PCNX1: variants seen among roughly 807,000 people sequenced by gnomAD.
PCNX1 encodes pecanex 1.
A neutral mutation model predicts 242.2 loss-of-function variants in PCNX1; 78 were observed. That is an observed-to-expected ratio of 0.32 (90% CI 0.27 to 0.39). The LOEUF (loss-of-function observed/expected upper bound fraction) is 0.39. Ranked by LOEUF, PCNX1 falls within the 10% of genes least tolerant of loss-of-function variation. PCNX1 has a pLI of 1.00. For synonymous variants in PCNX1, 1,024 were observed against 1,032.9 expected (o/e 0.99, Z 0.17); for missense variants, 2,581 against 2,856.5 (o/e 0.90, Z 2.20).
chr14:71,081,618 T>G (rs1191354827), intron 28 of PCNX1, among the ~76,000 whole-genome samples: 1 of 152,216 alleles, frequency 6.6e-6, no homozygotes, highest in Admixed American at 6.5e-5. Flanking sequence ...TGTCCAGAAA[T>G]CTATCCATTT....
chr14:70,996,610 T>C (rs1251695632), intron 8 of PCNX1, among the ~76,000 whole-genome samples: 1 of 152,196 alleles, frequency 6.6e-6, no homozygotes, highest in Non-Finnish European at 1.5e-5. Flanking sequence ...ATACTTTATG[T>C]TACTTTGGTT....
chr14:70,987,333 T>C (rs2059029911), intron 6 of PCNX1, among the ~76,000 whole-genome samples: 1 of 152,218 alleles, frequency 6.6e-6, no homozygotes, highest in Non-Finnish European at 1.5e-5. Context: ...TGAAGTATGA[T>C]TCATCAATCT....
chr14:70,993,532 G>C, intron 7 of PCNX1, among the ~76,000 whole-genome samples: 1 of 151,962 alleles, frequency 6.6e-6, no homozygotes, highest in Non-Finnish European at 1.5e-5. Context: ...TTTAATTCTG[G>C]TGTTGATTTT....
intron 1 of PCNX1, among the ~76,000 whole-genome samples, chr14:70,929,994 G>C (rs1462179783): frequency 6.6e-6 from 1 of 152,076 alleles, no homozygotes; most frequent in Admixed American, 6.6e-5. Context: ...ATGTACATAA[G>C]ATTATTTTAG....
At chr14:70,949,333 G>A (rs550302037) in intron 2 of PCNX1, among the ~76,000 whole-genome samples, 170 of 134,108 alleles carry the variant, frequency 1.3e-3, no homozygotes, top group East Asian at 3.3e-3. Flanking sequence ...GTGTATACAC[G>A]CACGTGCATA....
At chr14:70,968,975 C>T (rs1426820021) in intron 4 of PCNX1, 46 bp from the exon 5 acceptor site, 2 of 1,083,784 alleles carry the variant, frequency 1.8e-6, no homozygotes, top group Admixed American at 3.4e-5. Flanking sequence ...ACCCTACAGC[C>T]TTACTGTTAA....
In PCNX1 at chr14:71,105,372, T is replaced by C. The variant is rs1363081952; in HGVS notation, c.6233T>C (p.Ile2078Thr). The C allele has an allele frequency of 6.8e-6, 11 of 1,614,006 alleles. No individual in the cohort carries two copies. Among genetic ancestry groups the C allele is most frequent in the East Asian group, 6.7e-5 (3 of 44,868 alleles). The change falls in exon 33 of 36, where the codon ATT becomes ACT. Residue 2078 changes from isoleucine to threonine, a missense_variant. Physicochemically the swap from Ile to Thr is moderately conservative, Grantham distance 89. Coordinates refer to ENST00000304743, the MANE Select transcript of PCNX1 (RefSeq NM_014982.3). Reference protein sequence around the residue: ...NPHSNVTQGSIGNPGQGSGTG... With the variant: ...NPHSNVTQGSTGNPGQGSGTG... ...CACAGCAACGTGACCCAGGGAAGCA[T>C]TGGAAATCCTGGGCAGGGATCAGGA...
chr14:71,037,534 C>G (rs1364631654), intron 19 of PCNX1, among the ~76,000 whole-genome samples: 7 of 151,158 alleles, frequency 4.6e-5, no homozygotes, highest in Admixed American at 4.6e-4. Context: ...TTTTCTGCAT[C>G]TATTGAGATA....
intron 1 of PCNX1, among the ~76,000 whole-genome samples, chr14:70,910,665 T>C (rs1012298738): frequency 6.6e-6 from 1 of 152,180 alleles, no homozygotes; most frequent in Admixed American, 6.5e-5. Context: ...TTTAAAATAG[T>C]ATGGTATTTA....
chr14:71,104,527 T>C (rs2062556057), intron 32 of PCNX1, among the ~76,000 whole-genome samples: 1 of 152,130 alleles, frequency 6.6e-6, no homozygotes, highest in Non-Finnish European at 1.5e-5. Context: ...ATAGGAAAAA[T>C]GATTTCAGCA....
At chr14:71,086,778 G>A (rs1259079999) in intron 28 of PCNX1, among the ~76,000 whole-genome samples, 1 of 152,098 alleles carries the variant, frequency 6.6e-6, no homozygotes, top group African/African-American at 2.4e-5. Context: ...GTCTCAATTT[G>A]TGCTCCCCTT....
At chr14:71,107,953 T>C (rs895952549) in intron 33 of PCNX1, among the ~76,000 whole-genome samples, 5 of 152,208 alleles carry the variant, frequency 3.3e-5, no homozygotes, top group African/African-American at 1.2e-4. Context: ...ATATACTTCT[T>C]TGTGATAAGA....
At chr14:71,086,768 G>A (rs971339589) in intron 28 of PCNX1, among the ~76,000 whole-genome samples, 2 of 152,172 alleles carry the variant, frequency 1.3e-5, no homozygotes, top group Admixed American at 6.5e-5. Flanking sequence ...AGAGGCCTCT[G>A]TCTCAATTTG....
At chr14:70,956,060 C>CT (rs536176804) in intron 2 of PCNX1, among the ~76,000 whole-genome samples, 247 of 152,176 alleles carry the variant, frequency 1.6e-3, no homozygotes, top group African/African-American at 5.7e-3. Flanking sequence ...TGAGGGGCTG[C>CT]TGCTGACATC....
intron 2 of PCNX1, among the ~76,000 whole-genome samples, chr14:70,956,641 A>G (rs574435414): frequency 2.0e-5 from 3 of 152,288 alleles, no homozygotes; most frequent in African/African-American, 7.2e-5. Context: ...TTTGAGCCTT[A>G]TCTTAGGCCA....
rs145603649 is a variant in PCNX1, at chr14:71,103,572, A to G, written c.5998A>G (p.Thr2000Ala). 9.3e-6 allele frequency: 15 copies of G among 1,614,100 alleles called. No individual in the cohort carries two copies. The African/African-American group carries it at 1.3e-4, about 14-fold the overall frequency. Residue 2000 changes from threonine (T) to alanine (A), a missense_variant, in exon 32 of 36, where the codon ACT becomes GCT. Physicochemically the swap from Thr to Ala is moderately conservative, Grantham distance 58. Transcript: ENST00000304743. ...CCCAATCTTTGTCTCACCCCTGACAACTTCTTACTCTGACAGCCACGAACA... is the reference window on the plus strand; with the variant it reads ...CCCAATCTTTGTCTCACCCCTGACAGCTTCTTACTCTGACAGCCACGAACA... The part of the protein sequence containing the change: ...GYPIFVSPLT[T>A]SYSDSHEQLK...
intron 3 of PCNX1, among the ~76,000 whole-genome samples, chr14:70,964,007 T>G (rs1158013644): frequency 2.6e-5 from 4 of 152,210 alleles, no homozygotes; most frequent in East Asian, 1.9e-4. Flanking sequence ...CAAGAGTTTT[T>G]TTGTTGTTGT....
chr14:71,059,878 G>A (rs2061281216), intron 26 of PCNX1, among the ~76,000 whole-genome samples: 1 of 152,066 alleles, frequency 6.6e-6, no homozygotes, highest in South Asian at 2.1e-4. Flanking sequence ...AGCCACACTG[G>A]CCTTCTTGCA....
chr14:71,068,839 A>G (rs867411303), intron 26 of PCNX1, among the ~76,000 whole-genome samples: 2 of 115,004 alleles, frequency 1.7e-5, no homozygotes, highest in Non-Finnish European at 3.4e-5. Flanking sequence ...TCACATAAAA[A>G]ATAAGTATAG....
Sources: allele counts gnomAD v4.1 joint callset (sites outside exome capture counted in the v4.1 genomes callset), GRCh38; gene constraint gnomAD v4.1.1; transcripts MANE v1.5; gene names NCBI Gene and HGNC (gene_info 2026-07-23, HGNC 2026-07-21).